Variants in GCHFR observed in about 807,000 individuals in gnomAD.
The protein encoded by GCHFR is GTP cyclohydrolase I feedback regulator.
Under a neutral mutation model 10.6 loss-of-function variants are expected in GCHFR, and 12 were observed. That is an observed-to-expected ratio of 1.13 (90% confidence interval 0.72 to 1.83). The LOEUF is 1.83. Ranked by LOEUF, GCHFR falls within the 40% of genes most tolerant of loss-of-function variation. The pLI, the probability that GCHFR is intolerant of heterozygous loss-of-function variation, is 0.00. For missense variants in GCHFR, 116 were observed against 110.6 expected (o/e 1.05, Z -0.22); for synonymous variants, 54 against 43.7 (o/e 1.24, Z -0.93).
chr15:40,764,449 C>T (rs1410558227), intron 1 of GCHFR: 1 of 471,664 alleles, frequency 2.1e-6, no homozygotes, highest in East Asian at 3.6e-5. Flanking sequence ...GGCCCGGGTA[C>T]GTGCGTCCCG....
At chr15:40,766,082 C>A in intron 2 of GCHFR, 161 bp downstream of exon 2, 1 of 445,388 alleles carries the variant, frequency 2.2e-6, no homozygotes, top group Non-Finnish European at 4.1e-6. Flanking sequence ...CATCTGTAGC[C>A]TCTCCAACAT....
At position 40,767,336 on chromosome 15, in the gene GCHFR, T is replaced by C. The variant is rs1242734431; in HGVS notation, c.242T>C (p.Leu81Pro). The change falls in exon 3 of 3, where the codon CTG becomes CCG. Residue 81 changes from leucine to proline, a missense_variant. Transcript: ENST00000260447. ...TGVGQTLVWC[L>P]HKE ...GTGGGCCAGACGCTGGTGTGGTGTCTGCACAAGGAGTGACCTTCTCATGCT... is the reference window on the plus strand; with the variant it reads ...GTGGGCCAGACGCTGGTGTGGTGTCCGCACAAGGAGTGACCTTCTCATGCT... The C allele has an allele frequency of 3.1e-5, 50 of 1,601,322 alleles. No homozygotes were observed. The highest frequency in any genetic ancestry group is 4.2e-5 in the Non-Finnish European group (49 of 1,174,842).
chr15:40,764,600 G>A (rs1271177542), intron 1 of GCHFR: 2 of 226,154 alleles, frequency 8.8e-6, no homozygotes, highest in East Asian at 1.8e-4. Flanking sequence ...AATAACCTGA[G>A]AGAAAGAGGT....
chr15:40,764,306 C>A (rs974590587), intron 1 of GCHFR, 90 bp downstream of exon 1: 12 of 1,212,542 alleles, frequency 9.9e-6, no homozygotes, highest in Non-Finnish European at 1.3e-5. Flanking sequence ...GGGCTGCACC[C>A]ACCGGGGACT....
rs530790007 is a variant in GCHFR at position 40,765,696 on chromosome 15, G to A, written c.37-131G>A. 5.8e-5 allele frequency: 26 copies of A among 447,134 alleles called. No individual in the cohort carries two copies. In the South Asian group the frequency reaches 6.5e-4, roughly 11 times the overall value. The allele number at this position is 447,134 out of a possible 1,614,324, so 27.7% of individuals were successfully genotyped here. ...TTCACAGCTTGTGCTCAGCCCCTAA[G>A]AATCCTTGCTACTCTCTGTAGCCTT... is the stretch of plus-strand genomic sequence containing the variant. On this transcript the variant is annotated intron_variant, in intron 1 of 2. Transcript: ENST00000260447.
chr15:40,766,017 G>A lies in GCHFR; in HGVS notation c.131+96G>A. 2 of 541,870 alleles carry A rather than the reference G, an allele frequency of 3.7e-6. 1 individual carries two copies. Among genetic ancestry groups the A allele is most frequent in the East Asian group, 6.8e-5 (2 of 29,432 alleles). The allele number at this position is 541,870 out of a possible 1,614,324, so 33.6% of individuals were successfully genotyped here. A position where few individuals can be genotyped will look rare whatever the true frequency, so the allele number is the denominator to read the frequency against. On this transcript the variant is annotated intron_variant, in intron 2 of 2. Coordinates refer to ENST00000260447, the MANE Select transcript of GCHFR (RefSeq NM_005258.3). ...CCTCCAAGCCCAGGGACAGGGCCCA[G>A]CATCAGAGCCCCCTGCCTGCATCCT...
intron 1 of GCHFR, chr15:40,764,654 C>G (rs1373256815): frequency 6.0e-6 from 1 of 165,506 alleles, no homozygotes; most frequent in East Asian, 1.7e-4. Flanking sequence ...ACCCCGGTGC[C>G]AAGTCCTTGA....
intron 1 of GCHFR, 27 bp downstream of exon 1, chr15:40,764,243 G>A (rs1164308944): frequency 6.5e-7 from 1 of 1,545,626 alleles, no homozygotes; most frequent in Non-Finnish European, 8.7e-7. Context: ...TGGCGACTTG[G>A]AGCCGGGACC....
chr15:40,766,165 T>G, intron 2 of GCHFR: 1 of 336,516 alleles, frequency 3.0e-6, no homozygotes, highest in Non-Finnish European at 5.5e-6. Context: ...ACAGAGTCCG[T>G]TCCCTGGGTC....
intron 1 of GCHFR, chr15:40,764,518 C>T (rs1888906215): frequency 4.8e-6 from 2 of 420,510 alleles, no homozygotes; most frequent in South Asian, 8.1e-5. Flanking sequence ...CGGGAGAGAC[C>T]CAGGGAGCCC....
rs1052000044 is a variant in GCHFR at position 40,767,447 on chromosome 15, C to T, written c.*98C>T. On this transcript the variant is annotated 3_prime_UTR_variant, in exon 3 of 3. Coordinates refer to ENST00000260447, the MANE Select transcript of GCHFR (RefSeq NM_005258.3). ...GCCTCACCGTCTGCCTTGCTCCTCT[C>T]TTCCCAAATCATCACCGCCATGGGC... The T allele has an allele frequency of 7.4e-7, 1 of 1,345,390 alleles. No individual in the cohort carries two copies. Among genetic ancestry groups the T allele is most frequent in the Non-Finnish European group, 1.0e-6 (1 of 999,462 alleles). 83.3% of individuals were successfully genotyped at this position (1,345,390 alleles called of 1,614,324 possible).
In GCHFR at chr15:40,767,348, G is replaced by T. The variant is rs970281700; in HGVS notation, c.254G>T (p.Ter85LeuextTer84). The change falls in exon 3 of 3, where the codon TGA becomes TTA. Residue 85 changes from the stop codon to leucine (L), a stop_lost. Coordinates refer to ENST00000260447, the MANE Select transcript of GCHFR (RefSeq NM_005258.3). ...QTLVWCLHKE* is the reference protein window; with the variant it reads ...QTLVWCLHKEL ...CTGGTGTGGTGTCTGCACAAGGAGT[G>T]ACCTTCTCATGCTGATTTGCAGACG... The T allele has an allele frequency of 1.3e-6, 2 of 1,596,870 alleles. No individual in the cohort carries two copies. Among genetic ancestry groups the T allele is most frequent in the South Asian group, 1.1e-5 (1 of 88,476 alleles).
chr15:40,764,406 C>G (rs1415833956), intron 1 of GCHFR, 190 bp downstream of exon 1: 1 of 488,060 alleles, frequency 2.0e-6, no homozygotes, highest in African/African-American at 2.0e-5. Context: ...TCAGCGAGCT[C>G]TGGCCGGCCT....
chr15:40,764,256 G>A (rs1326938358), intron 1 of GCHFR, 40 bp downstream of exon 1: 1 of 1,524,902 alleles, frequency 6.6e-7, no homozygotes, highest in East Asian at 2.6e-5. Context: ...CCGGGACCAG[G>A]CCCTAGGGGG....
chr15:40,766,023 G>C (rs1360675514), intron 2 of GCHFR, 102 bp downstream of exon 2: 1 of 522,546 alleles, frequency 1.9e-6, no homozygotes, highest in Non-Finnish European at 3.4e-6. Flanking sequence ...CCCAGCATCA[G>C]AGCCCCCTGC....
In GCHFR at chr15:40,764,212, G is replaced by T; in HGVS notation, c.32G>T (p.Arg11Leu). 2 of 1,556,518 alleles carry T rather than the reference G, an allele frequency of 1.3e-6. No homozygotes were observed. Among genetic ancestry groups the T allele is most frequent in the Middle Eastern group, 1.7e-4 (1 of 5,964 alleles). MPYLLISTQI[R>L]MEVGPTMVGD... ...TACCTGCTCATCAGCACCCAGATCC[G>T]CATGGTGAGTACCGGCCGCCTGGCG... The change falls in exon 1 of 3, where the codon CGC becomes CTC. Residue 11 changes from arginine (R) to leucine (L), a missense_variant. By Grantham distance (102) the Arg-to-Leu change is moderately radical. Transcript: ENST00000260447.
At chr15:40,767,003 C>G in intron 2 of GCHFR, 1 of 390,174 alleles carries the variant, frequency 2.6e-6, no homozygotes, top group South Asian at 9.3e-5. Context: ...ATGGCCACAA[C>G]AGTGGCACCT....
intron 1 of GCHFR, chr15:40,765,089 C>A (rs1220352625): frequency 1.3e-5 from 2 of 152,220 alleles, no homozygotes; most frequent in African/African-American, 4.8e-5. Context: ...TGGGTCCCTT[C>A]CCAGACCTCC....
chr15:40,767,505 G>T lies in GCHFR; in HGVS notation c.*156G>T, dbSNP rs1888977642. On this transcript the variant is annotated 3_prime_UTR_variant, in exon 3 of 3. Transcript: ENST00000260447. ...CAAAGGGCAGTGAATGGCCTTCTCTGAAACCCTGCGTCAAGCAGTGGGAGA... is the reference window on the plus strand; with the variant it reads ...CAAAGGGCAGTGAATGGCCTTCTCTTAAACCCTGCGTCAAGCAGTGGGAGA... The T allele has an allele frequency of 4.8e-6, 4 of 839,516 alleles. No homozygotes were observed. In the East Asian group the frequency reaches 1.2e-4, roughly 26 times the overall value. The allele number at this position is 839,516 out of a possible 1,614,324, so 52.0% of individuals were successfully genotyped here.
Sources: gnomAD v4.1 joint callset for allele counts on GRCh38, gnomAD v4.1.1 for gene constraint, MANE v1.5 for transcripts, NCBI Gene and HGNC (gene_info 2026-07-23, HGNC 2026-07-21) for gene names.